The following AXIN2 variants were observed in gnomAD, a reference collection of about 807,000 sequenced individuals.
The protein encoded by AXIN2 is axin-2.
Under a neutral mutation model 74.7 loss-of-function variants are expected in AXIN2, and 21 were observed. The observed-to-expected ratio is 0.28, with a 90% CI of 0.20 to 0.40. The LOEUF (loss-of-function observed/expected upper bound fraction) is 0.40. Ranked by LOEUF, AXIN2 falls within the 10% of genes least tolerant of loss-of-function variation. The pLI is 1.00. For synonymous variants in AXIN2, 532 were observed against 454.9 expected (o/e 1.17, Z -2.16); for missense variants, 1,144 against 1,111.1 (o/e 1.03, Z -0.42).
At chr17:65,545,089 A>G (rs1472212727) in intron 3 of AXIN2, among the ~76,000 whole-genome samples, 1 of 152,242 alleles carries the variant, frequency 6.6e-6, no homozygotes, top group Non-Finnish European at 1.5e-5. Flanking sequence ...TGAAACACCA[A>G]AAAATCATCT....
Position 65,537,650 on chromosome 17 carries a change from G to GGGCGA in AXIN2, c.1385_1386insTCGCC (p.Ser464ProfsTer45). 1.3e-6 allele frequency: 2 copies of GGGCGA among 1,570,960 alleles called. No individual in the cohort carries two copies. The highest frequency in any genetic ancestry group is 1.7e-6 in the Non-Finnish European group (2 of 1,160,582). On this transcript the variant is annotated frameshift_variant, in exon 6 of 11. Coordinates refer to ENST00000307078, the MANE Select transcript of AXIN2 (RefSeq NM_004655.4). LOFTEE classifies it high-confidence loss of function. ...GGTGGTGGTCCGGGGAGCGGGAGCG[G>GGGCGA]GGGCTATAGCGGCCTACGCCTGGAG...
chr17:65,554,925 T>TCTGTGTGC (rs2044246127), intron 2 of AXIN2, among the ~76,000 whole-genome samples: 1 of 152,178 alleles, frequency 6.6e-6, no homozygotes, highest in Non-Finnish European at 1.5e-5. Context: ...CGTGTGTGTG[T>TCTGTGTGC]CTGTGTGCCG....
chr17:65,537,924 G>C (rs1434825329), intron 5 of AXIN2, 89 bp from the exon 6 acceptor site: 1 of 1,466,742 alleles, frequency 6.8e-7, no homozygotes, highest in East Asian at 2.5e-5. Flanking sequence ...CCCTACGCAG[G>C]AGCACGCACA....
At chr17:65,550,654 T>G (rs914513661) in intron 2 of AXIN2, among the ~76,000 whole-genome samples, 1 of 151,908 alleles carries the variant, frequency 6.6e-6, no homozygotes, top group African/African-American at 2.4e-5. Flanking sequence ...AGAAATCAAG[T>G]GAGGGAGAAA....
Position 65,530,110 on chromosome 17 carries a change from G to C in AXIN2, c.2406-8C>G, listed in dbSNP as rs143905290. The C allele has an allele frequency of 5.9e-5, 95 of 1,613,996 alleles. No homozygotes were observed. The East Asian group carries it at 8.0e-4, about 14-fold the overall frequency. On this transcript the variant is annotated splice_region_variant and splice_polypyrimidine_tract_variant and intron_variant, in intron 10 of 10. Transcript: ENST00000307078. The stretch of plus-strand genomic sequence containing the variant: ...GCTTTTTTGAAGTAATACCTTAAAA[G>C]GAAAACCAAAAAAGCTTCTTGGTAA...
At chr17:65,538,176 G>A in intron 5 of AXIN2, 27 bp downstream of exon 5, 2 of 1,614,036 alleles carry the variant, frequency 1.2e-6, no homozygotes, top group African/African-American at 1.3e-5. Context: ...GTGGACGGAA[G>A]CAGGAAGAAG....
At chr17:65,552,393 G>A (rs1309628362) in intron 2 of AXIN2, among the ~76,000 whole-genome samples, 1 of 152,256 alleles carries the variant, frequency 6.6e-6, no homozygotes, top group Non-Finnish European at 1.5e-5. Flanking sequence ...CCAGCCATCT[G>A]GGTGCGTAAG....
At chr17:65,536,586 G>A (rs912091521) in intron 7 of AXIN2, 33 bp from the exon 8 acceptor site, 13 of 1,608,694 alleles carry the variant, frequency 8.1e-6, no homozygotes, top group East Asian at 2.2e-5. Context: ...GAAAACAGAA[G>A]GAAAGAAACT....
At chr17:65,533,889 G>T (rs1361422224) in intron 10 of AXIN2, 23 bp downstream of exon 10, 1 of 1,513,608 alleles carries the variant, frequency 6.6e-7, no homozygotes, top group Non-Finnish European at 9.0e-7. Context: ...ACTGAGAGCA[G>T]AAAAAAGCCA....
At chr17:65,556,888 C>G (rs62063458) in intron 2 of AXIN2, among the ~76,000 whole-genome samples, 8,654 of 152,214 alleles carry the variant, frequency 0.057, 330 homozygotes, top group Non-Finnish European at 0.084. Context: ...AAACCACACC[C>G]CGGAATTAAG....
intron 4 of AXIN2, among the ~76,000 whole-genome samples, chr17:65,540,913 G>A (rs193293474): frequency 1.3e-5 from 2 of 152,082 alleles, no homozygotes; most frequent in African/African-American, 2.4e-5. Flanking sequence ...AAGGAGTCTC[G>A]CTCTGTCGCC....
Position 65,537,660 on chromosome 17 carries a change from C to A in AXIN2, c.1376G>T (p.Arg459Leu), listed in dbSNP as rs368525111. 1.9e-6 allele frequency: 3 copies of A among 1,563,444 alleles called. No individual in the cohort carries two copies. Among genetic ancestry groups the A allele is most frequent in the East Asian group, 2.3e-5 (1 of 42,652 alleles). ...TPGCQSPGVG[R>L]YSPRSRSPDH... ...CGGGGAGCGGGAGCGGGGGCTATAGCGGCCTACGCCTGGAGACTGGCAGCC... is the reference window on the plus strand; with the variant it reads ...CGGGGAGCGGGAGCGGGGGCTATAGAGGCCTACGCCTGGAGACTGGCAGCC... Residue 459 changes from arginine (R) to leucine (L), a missense_variant, in exon 6 of 11, where the codon CGC (arginine) becomes CTC (leucine). Arg to Leu is a moderately radical substitution (Grantham distance 102). Around this residue, in one of 4 missense-constraint regions of AXIN2, gnomAD observed 1,053 missense variants for 973.5 expected, o/e 1.08. Coordinates refer to ENST00000307078, the MANE Select transcript of AXIN2 (RefSeq NM_004655.4).
intron 1 of AXIN2, chr17:65,561,222 C>CCTTTCAGCCA (rs1358502141): frequency 2.0e-5 from 3 of 148,842 alleles, no homozygotes; most frequent in Non-Finnish European, 4.5e-5. Flanking sequence ...GCCGAGCGCA[C>CCTTTCAGCCA]GGTCCTGAAA....
intron 3 of AXIN2, among the ~76,000 whole-genome samples, chr17:65,543,125 G>A (rs2044066835): frequency 6.6e-6 from 1 of 152,200 alleles, no homozygotes; most frequent in Non-Finnish European, 1.5e-5. Flanking sequence ...TTGCACTGAG[G>A]TGAGTAGGGA....
At position 65,554,324 on chromosome 17, in the gene AXIN2, C is replaced by G. The variant is rs183549375; in HGVS notation, c.815+3482G>C. Among the ~76,000 whole-genome samples, 18 of 152,328 alleles carry G rather than the reference C, an allele frequency of 1.2e-4. No homozygotes were observed. In the East Asian group the frequency reaches 3.5e-3, roughly 29 times the overall value. ...AAAAGTATATGCTTCTAAGTCTGTGCGTTCAGGGCTTTCCAAGAGCCCTCT... is the reference window on the plus strand; with the variant it reads ...AAAAGTATATGCTTCTAAGTCTGTGGGTTCAGGGCTTTCCAAGAGCCCTCT... On this transcript the variant is annotated intron_variant, in intron 2 of 10. Coordinates refer to ENST00000307078, the MANE Select transcript of AXIN2 (RefSeq NM_004655.4).
chr17:65,561,350 C>T (rs1598124431), intron 1 of AXIN2, 100 bp downstream of exon 1: 1 of 145,772 alleles, frequency 6.9e-6, no homozygotes, highest in Admixed American at 6.8e-5. Flanking sequence ...GGCCCCCTCC[C>T]GCCCCCCGCG....
Position 65,558,389 on chromosome 17 carries a change from A to T in AXIN2, c.232T>A (p.Trp78Arg). Residue 78 changes from tryptophan (W) to arginine (R), a missense_variant, in exon 2 of 11, where the codon TGG (tryptophan) becomes AGG (arginine). Trp to Arg is a moderately radical substitution (Grantham distance 101). This residue lies in a region of AXIN2 where 1,053 missense variants were observed against 973.5 expected (regional missense o/e 1.08). Coordinates refer to ENST00000307078, the MANE Select transcript of AXIN2 (RefSeq NM_004655.4). Reference sequence around the variant, plus strand: ...AATAAGGAGTGTAAGGACTTGGTCCACCGGGTCAGAGGGGAATCCGGAGAT... The same window carrying T: ...AATAAGGAGTGTAAGGACTTGGTCCTCCGGGTCAGAGGGGAATCCGGAGAT... The part of the protein sequence containing the change: ...RASPDSPLTR[W>R]TKSLHSLLGD... The T allele has an allele frequency of 6.2e-7, 1 of 1,609,230 alleles. No homozygotes were observed.
chr17:65,549,241 A>G (rs2044157744), intron 3 of AXIN2, among the ~76,000 whole-genome samples: 1 of 152,210 alleles, frequency 6.6e-6, no homozygotes, highest in Non-Finnish European at 1.5e-5. Context: ...GAATCTATAA[A>G]TATTCATTCA....
chr17:65,532,804 T>G (rs1318576592), intron 10 of AXIN2, among the ~76,000 whole-genome samples: 1 of 152,226 alleles, frequency 6.6e-6, no homozygotes, highest in African/African-American at 2.4e-5. Context: ...CACCTGGGAA[T>G]AGACTGTGGT....
Sources: gnomAD v4.1 joint callset for allele counts (sites outside exome capture counted in the v4.1 genomes callset) on GRCh38, gnomAD v4.1.1 for gene constraint, gnomAD v4.1.1 regional missense constraint, MANE v1.5 for transcripts, NCBI Gene and HGNC (gene_info 2026-07-23, HGNC 2026-07-21) for gene names.